Variants in CNBD1 observed in about 807,000 individuals in gnomAD.
The protein encoded by CNBD1 is cyclic nucleotide binding domain containing 1.
In CNBD1, 71 loss-of-function variants were observed where a neutral mutation model predicts 54.4. That is an observed-to-expected ratio of 1.30 (90% CI 1.08 to 1.59). The LOEUF is 1.59. Among genes scored for constraint, CNBD1 ranks in the 40% most tolerant of loss-of-function variants. The pLI, the probability that CNBD1 is intolerant of heterozygous loss-of-function variation, is 0.00. For synonymous variants in CNBD1, 182 were observed against 170.7 expected (o/e 1.07, Z -0.51); for missense variants, 659 against 518.0 (o/e 1.27, Z -2.64).
chr8:86,888,607 T>C (rs911226497), intron 2 of CNBD1, among the ~76,000 whole-genome samples: 2 of 152,172 alleles, frequency 1.3e-5, no homozygotes, highest in African/African-American at 4.8e-5. Context: ...GCCTAATATA[T>C]GTAAATAGCG....
At chr8:87,302,182 CA>C (rs1384197811) in intron 8 of CNBD1, among the ~76,000 whole-genome samples, 1 of 151,988 alleles carries the variant, frequency 6.6e-6, no homozygotes, top group Non-Finnish European at 1.5e-5. Flanking sequence ...AGAGACACAA[CA>C]AAAAAAGAGA....
At chr8:87,292,575 C>A (rs1808808188) in intron 8 of CNBD1, among the ~76,000 whole-genome samples, 1 of 152,096 alleles carries the variant, frequency 6.6e-6, no homozygotes, top group African/African-American at 2.4e-5. Context: ...CTTATTAATA[C>A]AACTGTAAGA....
intron 8 of CNBD1, among the ~76,000 whole-genome samples, chr8:87,343,355 T>G (rs751047873): frequency 1.6e-4 from 24 of 152,114 alleles, no homozygotes; most frequent in Non-Finnish European, 3.4e-4. Context: ...GTGACATACA[T>G]CCTCAGCTTA....
chr8:87,314,933 G>A (rs1399166839), intron 8 of CNBD1, among the ~76,000 whole-genome samples: 1 of 152,016 alleles, frequency 6.6e-6, no homozygotes, highest in Non-Finnish European at 1.5e-5. Context: ...CTGCAAAGAT[G>A]TCTTTTATCA....
chr8:87,176,749 A>C (rs1317176970), intron 4 of CNBD1, among the ~76,000 whole-genome samples: 2 of 151,214 alleles, frequency 1.3e-5, no homozygotes, highest in Admixed American at 6.6e-5. Context: ...TCAGCCTTCC[A>C]AAGTGCTGGG....
chr8:87,104,936 G>T (rs1214670026), intron 4 of CNBD1, among the ~76,000 whole-genome samples: 1 of 152,184 alleles, frequency 6.6e-6, no homozygotes, highest in African/African-American at 2.4e-5. Flanking sequence ...GCAAAGGAAA[G>T]AATTGTCATC....
intron 8 of CNBD1, among the ~76,000 whole-genome samples, chr8:87,348,594 G>A (rs949713227): frequency 2.0e-5 from 3 of 152,066 alleles, no homozygotes; most frequent in African/African-American, 7.2e-5. Flanking sequence ...AAGTTGCCTC[G>A]GCATTGTCCA....
chr8:87,084,307 G>C (rs575572262), intron 4 of CNBD1, among the ~76,000 whole-genome samples: 1 of 152,194 alleles, frequency 6.6e-6, no homozygotes, highest in Admixed American at 6.5e-5. Flanking sequence ...TTCAGTTTCT[G>C]TCTGGTATTA....
rs1218155657 is a variant in CNBD1 at position 87,086,534 on chromosome 8, T to G, written c.432-119459T>G. ...AAAGTCTACAGGCTCAGAAAAGACA[T>G]TATGTTGTAATAAGTATATGAAGAT... On this transcript the variant is annotated intron_variant, in intron 4 of 10. Coordinates refer to ENST00000518476, the MANE Select transcript of CNBD1 (RefSeq NM_173538.3). Among the ~76,000 whole-genome samples the G allele has an allele frequency of 5.3e-5, 8 of 152,294 alleles. No individual in the cohort carries two copies. The East Asian group carries it at 9.6e-4, about 18-fold the overall frequency.
intron 6 of CNBD1, among the ~76,000 whole-genome samples, chr8:87,255,017 A>G (rs1365989718): frequency 6.6e-6 from 1 of 152,122 alleles, no homozygotes; most frequent in Admixed American, 6.6e-5. Flanking sequence ...CCTGATCTTT[A>G]TGCATTCAGT....
chr8:86,984,262 A>G (rs1457671588), intron 4 of CNBD1, among the ~76,000 whole-genome samples: 3 of 152,178 alleles, frequency 2.0e-5, no homozygotes, highest in African/African-American at 7.2e-5. Flanking sequence ...ACCTCCACCT[A>G]TATTTCACAG....
downstream of CNBD1, among the ~76,000 whole-genome samples, chr8:87,387,319 T>A (rs970968857): frequency 4.6e-5 from 7 of 151,978 alleles, no homozygotes; most frequent in African/African-American, 1.7e-4. Flanking sequence ...GCAAATTGGA[T>A]AAAGAGCCAA....
At chr8:87,410,036 A>T (rs1250147333) in intron 2 of CNBD1, among the ~76,000 whole-genome samples, 1 of 152,018 alleles carries the variant, frequency 6.6e-6, no homozygotes, top group Admixed American at 6.6e-5. Flanking sequence ...AAAAAAAAGA[A>T]TTAAGTTAAA....
chr8:87,300,887 C>T (rs903883989), intron 8 of CNBD1, among the ~76,000 whole-genome samples: 5 of 151,608 alleles, frequency 3.3e-5, no homozygotes, highest in Admixed American at 1.3e-4. Context: ...TTCTTTTGTA[C>T]AATACAAAAG....
intron 2 of CNBD1, among the ~76,000 whole-genome samples, chr8:87,391,600 A>T (rs1186074655): frequency 6.6e-6 from 1 of 152,066 alleles, no homozygotes; most frequent in Non-Finnish European, 1.5e-5. Context: ...ATAGGGGAAG[A>T]ATAATCTTTT....
At chr8:86,900,939 G>A (rs1808923205) in intron 2 of CNBD1, among the ~76,000 whole-genome samples, 1 of 152,066 alleles carries the variant, frequency 6.6e-6, no homozygotes, top group Non-Finnish European at 1.5e-5. Context: ...TAATTGCAAT[G>A]GCATGTGGAA....
At chr8:87,143,500 AT>A (rs1254407266) in intron 4 of CNBD1, among the ~76,000 whole-genome samples, 1 of 152,208 alleles carries the variant, frequency 6.6e-6, no homozygotes, top group Non-Finnish European at 1.5e-5. Context: ...ATTTACTTCC[AT>A]ATGTGGTTAT....
intron 8 of CNBD1, among the ~76,000 whole-genome samples, chr8:87,339,424 A>G (rs1334516412): frequency 2.0e-5 from 3 of 151,996 alleles, no homozygotes; most frequent in African/African-American, 7.3e-5. Flanking sequence ...TGCTCTGTTA[A>G]GTTTTGATTG....
intron 2 of CNBD1, among the ~76,000 whole-genome samples, chr8:87,414,841 C>T (rs11779836): frequency 0.098 from 14,922 of 151,896 alleles, 743 homozygotes; most frequent in African/African-American, 0.11. Flanking sequence ...TTGCAAGCTG[C>T]TTGAGGTATG....
Sources: allele counts gnomAD v4.1 joint callset (sites outside exome capture counted in the v4.1 genomes callset), GRCh38; gene constraint gnomAD v4.1.1; transcripts MANE v1.5; gene names NCBI Gene and HGNC (gene_info 2026-07-23, HGNC 2026-07-21).